Variants in SLC16A12 observed in about 807,000 individuals in gnomAD.
SLC16A12 encodes the protein monocarboxylate transporter 12.
A neutral mutation model predicts 42.4 loss-of-function variants in SLC16A12; 17 were observed. That is an observed-to-expected ratio of 0.40 (90% CI 0.27 to 0.60). The LOEUF is 0.60. Among genes scored for constraint, SLC16A12 ranks in the 20% least tolerant of loss-of-function variants. SLC16A12 has a pLI of 0.42. For synonymous variants in SLC16A12, 224 were observed against 229.4 expected (o/e 0.98, Z 0.21); for missense variants, 544 against 623.0 (o/e 0.87, Z 1.35).
At chr10:89,457,344 A>T (rs1043072636) in intron 3 of SLC16A12, among the ~76,000 whole-genome samples, 2 of 152,236 alleles carry the variant, frequency 1.3e-5, no homozygotes, top group Non-Finnish European at 2.9e-5. Context: ...TTCTGAAAAG[A>T]AGACATTTAT....
At chr10:89,476,012 T>C (rs1305971037) in intron 2 of SLC16A12, among the ~76,000 whole-genome samples, 1 of 152,216 alleles carries the variant, frequency 6.6e-6, no homozygotes, top group African/African-American at 2.4e-5. Context: ...AACTACATTT[T>C]CTGCAGTAAT....
upstream of SLC16A12, chr10:89,556,662 C>T (rs985472493): frequency 6.6e-6 from 1 of 152,262 alleles, no homozygotes; most frequent in African/African-American, 2.4e-5. Context: ...CTGCCCCATA[C>T]CATGGAGGAA....
intron 3 of SLC16A12, among the ~76,000 whole-genome samples, chr10:89,450,115 T>C (rs549791719): frequency 4.6e-5 from 7 of 152,222 alleles, no homozygotes; most frequent in Non-Finnish European, 7.4e-5. Context: ...AAACAACAGG[T>C]GCTGGAGAGG....
chr10:89,435,492 A>C (rs2133678315), intron 7 of SLC16A12, among the ~76,000 whole-genome samples: 1 of 152,322 alleles, frequency 6.6e-6, no homozygotes, highest in East Asian at 1.9e-4. Flanking sequence ...AAACTATTAG[A>C]ATGGAATCTT....
intron 4 of SLC16A12, among the ~76,000 whole-genome samples, chr10:89,443,109 C>T (rs181179048): frequency 2.8e-4 from 42 of 152,234 alleles, no homozygotes; most frequent in Non-Finnish European, 5.1e-4. Flanking sequence ...TCTAGAACAC[C>T]CTACATACCT....
At chr10:89,544,431 C>T (rs752459459) in intron 2 of SLC16A12, among the ~76,000 whole-genome samples, 42 of 152,224 alleles carry the variant, frequency 2.8e-4, no homozygotes, top group Non-Finnish European at 5.3e-4. Context: ...TGGATCAGTT[C>T]GATCTACTGG....
At position 89,497,575 on chromosome 10, in the gene SLC16A12, C is replaced by T. The variant is rs1009833198; in HGVS notation, c.-46-34951G>A. Among the ~76,000 whole-genome samples the T allele has an allele frequency of 2.0e-5, 3 of 152,146 alleles. No individual in the cohort carries two copies. In the South Asian group the frequency reaches 6.2e-4, roughly 32 times the overall value. ...TGGGGGAAACAGCACTGTATTAGGG[C>T]CTCTGGAACTCAAATCTCCCTAAAC... On this transcript the variant is annotated intron_variant, in intron 2 of 7. Transcript: ENST00000371790.
chr10:89,523,480 T>C (rs1437520294), intron 2 of SLC16A12, among the ~76,000 whole-genome samples: 1 of 152,212 alleles, frequency 6.6e-6, no homozygotes, highest in African/African-American at 2.4e-5. Context: ...CTGTAGAATG[T>C]GGCACTGTTG....
intron 2 of SLC16A12, chr10:89,468,156 A>C (rs1842435067): frequency 6.6e-6 from 1 of 152,244 alleles, no homozygotes; most frequent in South Asian, 2.1e-4. Flanking sequence ...CTGTGGTGAT[A>C]GCACGATGAA....
At chr10:89,459,299 A>G (rs1014157226) in intron 3 of SLC16A12, among the ~76,000 whole-genome samples, 5 of 148,844 alleles carry the variant, frequency 3.4e-5, no homozygotes, top group African/African-American at 1.2e-4. Context: ...TGACTCCCAT[A>G]ACCAAGGCAG....
intron 2 of SLC16A12, among the ~76,000 whole-genome samples, chr10:89,528,199 C>G (rs1305703101): frequency 6.6e-6 from 1 of 151,946 alleles, no homozygotes; most frequent in African/African-American, 2.4e-5. Context: ...AGACCCTGTC[C>G]CAAGATAACC....
chr10:89,525,220 C>CAAAAAA (rs869295721), intron 2 of SLC16A12, among the ~76,000 whole-genome samples: 277 of 64,176 alleles, frequency 4.3e-3, no homozygotes, highest in Admixed American at 5.8e-3. Context: ...GACACCATAT[C>CAAAAAA]AAAAAAAAAA....
intron 2 of SLC16A12, among the ~76,000 whole-genome samples, chr10:89,471,921 C>CT (rs990119639): frequency 1.3e-5 from 2 of 152,002 alleles, no homozygotes; most frequent in African/African-American, 2.4e-5. Flanking sequence ...ATTCATATAT[C>CT]TTTTTTGTGA....
At chr10:89,509,361 C>G (rs1255535606) in intron 2 of SLC16A12, among the ~76,000 whole-genome samples, 1 of 152,110 alleles carries the variant, frequency 6.6e-6, no homozygotes, top group Non-Finnish European at 1.5e-5. Flanking sequence ...ACTGGCAAAC[C>G]GAATCCAGTG....
intron 2 of SLC16A12, among the ~76,000 whole-genome samples, chr10:89,474,912 G>A (rs1842553705): frequency 6.6e-6 from 1 of 152,164 alleles, no homozygotes; most frequent in African/African-American, 2.4e-5. Context: ...CAAAGCTTGT[G>A]CTCTTATTCA....
intron 2 of SLC16A12, among the ~76,000 whole-genome samples, chr10:89,476,354 G>C (rs1842580133): frequency 6.6e-6 from 1 of 152,162 alleles, no homozygotes; most frequent in African/African-American, 2.4e-5. Flanking sequence ...GTTGAAATGG[G>C]AGGGGCAATG....
intron 2 of SLC16A12, among the ~76,000 whole-genome samples, chr10:89,488,822 T>C (rs1054718885): frequency 1.3e-5 from 2 of 152,150 alleles, no homozygotes; most frequent in African/African-American, 4.8e-5. Flanking sequence ...CACAGAGATA[T>C]TGAGATCTGG....
At chr10:89,471,503 TG>T (rs1384928043) in intron 2 of SLC16A12, among the ~76,000 whole-genome samples, 1 of 152,262 alleles carries the variant, frequency 6.6e-6, no homozygotes, top group Admixed American at 6.5e-5. Flanking sequence ...CTATGTGTTA[TG>T]GATATACTAC....
rs1556611 is a variant in SLC16A12, at chr10:89,443,457, G to A, written c.304+299C>T. 0.36 allele frequency among the ~76,000 whole-genome samples: 54,503 copies of A among 151,996 alleles called. 10,093 individuals carry two copies. Among genetic ancestry groups the A allele is most frequent in the African/African-American group, 0.43 (18,019 of 41,462 alleles). On this transcript the variant is annotated intron_variant, in intron 4 of 7. Coordinates refer to ENST00000371790, the MANE Select transcript of SLC16A12 (RefSeq NM_213606.4). ...TATAAATTGCTTCCAAAATCAGGAC[G>A]TGTTCTAGAATGCTCAGCGTCCTAT...
Sources: gnomAD v4.1 joint callset for allele counts (sites outside exome capture counted in the v4.1 genomes callset) on GRCh38, gnomAD v4.1.1 for gene constraint, MANE v1.5 for transcripts, NCBI Gene and HGNC (gene_info 2026-07-23, HGNC 2026-07-21) for gene names.